Variants in SYN2 observed in about 807,000 individuals in gnomAD.
SYN2 encodes synapsin II.
SYN2 carries 19 observed loss-of-function variants against 50.9 expected under a neutral mutation model. That is an observed-to-expected ratio of 0.37 (90% CI 0.26 to 0.55). The LOEUF (loss-of-function observed/expected upper bound fraction) is 0.55, where lower values mean the gene tolerates loss of function less well. SYN2 is among the 20% of genes least tolerant of loss of function. SYN2 has a pLI of 0.81. For synonymous variants in SYN2, 255 were observed against 224.9 expected (o/e 1.13, Z -1.20); for missense variants, 587 against 576.4 (o/e 1.02, Z -0.19).
chr3:12,149,950 A>T (rs1697238817), intron 4 of SYN2, among the ~76,000 whole-genome samples: 1 of 152,220 alleles, frequency 6.6e-6, no homozygotes, highest in Non-Finnish European at 1.5e-5. Context: ...ATATATGAAG[A>T]AAATGAGATC....
intron 1 of SYN2, among the ~76,000 whole-genome samples, chr3:12,051,081 A>G (rs1426951394): frequency 1.3e-5 from 2 of 152,186 alleles, no homozygotes; most frequent in African/African-American, 4.8e-5. Flanking sequence ...CAAAAATAGA[A>G]TAGCAAAAGG....
chr3:12,070,519 G>A (rs1432394006), intron 1 of SYN2: 16 of 787,824 alleles, frequency 2.0e-5, no homozygotes, highest in Middle Eastern at 2.9e-4. Flanking sequence ...AGTGAGTTGC[G>A]TGTGGCCCCG....
chr3:12,070,856 A>G, intron 1 of SYN2: 1 of 579,710 alleles, frequency 1.7e-6, no homozygotes, highest in Non-Finnish European at 3.4e-6. Flanking sequence ...GCTGAGTGGG[A>G]GATCTTGGGT....
intron 1 of SYN2, among the ~76,000 whole-genome samples, chr3:12,099,158 T>C (rs1036958496): frequency 6.6e-6 from 1 of 152,072 alleles, no homozygotes; most frequent in African/African-American, 2.4e-5. Flanking sequence ...GGATAGATTA[T>C]CTAGACAGAA....
chr3:12,008,463 T>C (rs1330697517), intron 1 of SYN2, among the ~76,000 whole-genome samples: 1 of 152,220 alleles, frequency 6.6e-6, no homozygotes, highest in Non-Finnish European at 1.5e-5. Flanking sequence ...ATCAACAGCA[T>C]TGGCATCAAC....
intron 1 of SYN2, among the ~76,000 whole-genome samples, chr3:12,134,615 C>T (rs929160233): frequency 6.6e-6 from 1 of 152,224 alleles, no homozygotes; most frequent in African/African-American, 2.4e-5. Flanking sequence ...TCCCATAATG[C>T]TGTGCTTGTA....
intron 1 of SYN2, among the ~76,000 whole-genome samples, chr3:12,083,387 T>C (rs1695622715): frequency 6.6e-6 from 1 of 152,202 alleles, no homozygotes; most frequent in African/African-American, 2.4e-5. Flanking sequence ...GTTCTGTCTC[T>C]CTCTGTATTG....
chr3:12,148,362 A>G (rs1697201194), intron 4 of SYN2, among the ~76,000 whole-genome samples: 1 of 152,230 alleles, frequency 6.6e-6, no homozygotes, highest in Non-Finnish European at 1.5e-5. Context: ...CTGCCACATG[A>G]ATGACGTTTT....
At chr3:12,150,991 A>G (rs1054476645) in intron 4 of SYN2, among the ~76,000 whole-genome samples, 2 of 152,224 alleles carry the variant, frequency 1.3e-5, no homozygotes, top group African/African-American at 2.4e-5. Flanking sequence ...CTAGTTCATC[A>G]ATTTGATTTG....
chr3:12,117,097 C>T (rs17035842), intron 1 of SYN2, among the ~76,000 whole-genome samples: 6 of 152,078 alleles, frequency 3.9e-5, no homozygotes, highest in Admixed American at 2.0e-4. Context: ...AGGAAACAAA[C>T]GTCATTGTAG....
At chr3:12,109,279 T>C (rs1233236920) in intron 1 of SYN2, among the ~76,000 whole-genome samples, 1 of 152,170 alleles carries the variant, frequency 6.6e-6, no homozygotes, top group African/African-American at 2.4e-5. Flanking sequence ...CTATGTTGTA[T>C]TGGACAAGAT....
chr3:12,179,232 A>G (rs1698165467), intron 10 of SYN2, among the ~76,000 whole-genome samples: 1 of 146,186 alleles, frequency 6.8e-6, no homozygotes, highest in Non-Finnish European at 1.5e-5. Context: ...CTGAAAGCCT[A>G]TACCTGCAAG....
chr3:12,164,109 A>G (rs569987974), intron 7 of SYN2, among the ~76,000 whole-genome samples: 1 of 152,326 alleles, frequency 6.6e-6, no homozygotes, highest in East Asian at 1.9e-4. Context: ...GAATAATTTA[A>G]AAACCATTAT....
intron 1 of SYN2, among the ~76,000 whole-genome samples, chr3:12,048,448 G>A (rs1559398702): frequency 6.6e-6 from 1 of 152,146 alleles, no homozygotes; most frequent in South Asian, 2.1e-4. Flanking sequence ...TGGAGTGGTG[G>A]GATTCTAGGG....
At chr3:12,101,833 A>G (rs1696083830) in intron 1 of SYN2, among the ~76,000 whole-genome samples, 1 of 152,174 alleles carries the variant, frequency 6.6e-6, no homozygotes, top group African/African-American at 2.4e-5. Context: ...AGATGTATCC[A>G]GTTCCTTTTA....
At chr3:12,139,279 G>T (rs571717077) in intron 1 of SYN2, among the ~76,000 whole-genome samples, 1 of 152,334 alleles carries the variant, frequency 6.6e-6, no homozygotes, top group African/African-American at 2.4e-5. Flanking sequence ...AGGGTAGGAA[G>T]TATTTGTAGT....
At chr3:12,112,403 C>CAA (rs1040432554) in intron 1 of SYN2, among the ~76,000 whole-genome samples, 1 of 152,102 alleles carries the variant, frequency 6.6e-6, no homozygotes, top group Non-Finnish European at 1.5e-5. Flanking sequence ...GTTTGGTTCA[C>CAA]TATTTGGGGT....
At chr3:12,157,934 G>A (rs528543463) in intron 5 of SYN2, among the ~76,000 whole-genome samples, 2 of 152,346 alleles carry the variant, frequency 1.3e-5, no homozygotes, top group Non-Finnish European at 2.9e-5. Flanking sequence ...CTGCACTGAG[G>A]TATTGCATCT....
intron 5 of SYN2, among the ~76,000 whole-genome samples, chr3:12,160,313 C>T (rs1247270280): frequency 2.0e-5 from 3 of 152,114 alleles, no homozygotes; most frequent in African/African-American, 2.4e-5. Flanking sequence ...AGTTGAACTA[C>T]GTGATTTCTA....
Sources: gnomAD v4.1 joint callset for allele counts (sites outside exome capture counted in the v4.1 genomes callset) on GRCh38, gnomAD v4.1.1 for gene constraint, MANE v1.5 for transcripts, NCBI Gene and HGNC (gene_info 2026-07-23, HGNC 2026-07-21) for gene names.